The following CMPK2 variants were observed in gnomAD, a reference collection of about 807,000 sequenced individuals.
The protein encoded by CMPK2 is UMP-CMP kinase 2, mitochondrial.
Under a neutral mutation model 33.4 loss-of-function variants are expected in CMPK2, and 32 were observed. The ratio of observed to expected loss-of-function variants is 0.96; its 90% CI spans 0.72 to 1.29. The LOEUF (loss-of-function observed/expected upper bound fraction) is 1.29. CMPK2 is among the 50% of genes most tolerant of loss of function. CMPK2 has a pLI of 0.00. For synonymous variants in CMPK2, 299 were observed against 275.3 expected (o/e 1.09, Z -0.85); for missense variants, 672 against 616.0 (o/e 1.09, Z -0.96).
chr2:6,848,821 A>G lies in CMPK2; in HGVS notation c.*1029T>C, dbSNP rs756400417. The G allele has an allele frequency of 4.4e-4, 436 of 985,762 alleles. No individual in the cohort carries two copies. The highest frequency in any genetic ancestry group is 1.5e-3 in the Middle Eastern group (3 of 1,936). The allele number at this position is 985,762 out of a possible 1,614,324, so 61.1% of individuals were successfully genotyped here. A position where few individuals can be genotyped will look rare whatever the true frequency, so the allele number is the denominator to read the frequency against. ...TTTTTTCTGTCTAAAGATATGTCAA[A>G]GCGATTTCATATGTAATCATGAGAC... is the stretch of plus-strand genomic sequence containing the variant. On this transcript the variant is annotated 3_prime_UTR_variant, in exon 5 of 5. Coordinates refer to ENST00000256722, the MANE Select transcript of CMPK2 (RefSeq NM_207315.4).
At chr2:6,859,933 G>A (rs1204852729) in intron 3 of CMPK2, among the ~76,000 whole-genome samples, 1 of 152,220 alleles carries the variant, frequency 6.6e-6, no homozygotes, top group African/African-American at 2.4e-5. Flanking sequence ...AAGCAGCAAG[G>A]AGGGGGGCTA....
chr2:6,845,271 A>C (rs1004072240), downstream of CMPK2, among the ~76,000 whole-genome samples: 1 of 152,144 alleles, frequency 6.6e-6, no homozygotes, highest in African/African-American at 2.4e-5. Context: ...ACAATAGAAT[A>C]TGAGCCATTT....
At position 6,848,520 on chromosome 2, in the gene CMPK2, T is replaced by C. The variant is rs1662418437; in HGVS notation, c.*1330A>G. On this transcript the variant is annotated 3_prime_UTR_variant, in exon 5 of 5. Transcript: ENST00000256722. ...CTTTCAACTGAAATCAATTACATTT[T>C]AATATACACATATTATATAGAAATT... 3.1e-6 allele frequency: 3 copies of C among 958,866 alleles called. No individual in the cohort carries two copies. The highest frequency in any genetic ancestry group is 1.8e-5 in the African/African-American group (1 of 56,594). 59.4% of individuals were successfully genotyped at this position (958,866 alleles called of 1,614,324 possible).
downstream of CMPK2, among the ~76,000 whole-genome samples, chr2:6,846,873 C>A (rs1007533983): frequency 1.3e-5 from 2 of 152,186 alleles, no homozygotes; most frequent in African/African-American, 4.8e-5. Context: ...TTCTTCCCAG[C>A]CAATGCACCA....
intron 4 of CMPK2, chr2:6,851,094 T>G: frequency 9.1e-7 from 1 of 1,103,130 alleles, no homozygotes; most frequent in Non-Finnish European, 1.1e-6. Flanking sequence ...AAGCATCTAA[T>G]AGGTAGATGT....
downstream of CMPK2, among the ~76,000 whole-genome samples, chr2:6,845,098 G>T (rs1662325499): frequency 6.6e-6 from 1 of 152,144 alleles, no homozygotes; most frequent in South Asian, 2.1e-4. Context: ...CAAAGATTTG[G>T]GTTGTCTCGC....
At chr2:6,844,350 G>T (rs982441400), downstream of CMPK2, among the ~76,000 whole-genome samples, 2 of 152,088 alleles carry the variant, frequency 1.3e-5, no homozygotes, top group African/African-American at 4.8e-5. Flanking sequence ...TTGATATCGG[G>T]GCTGCCTGGG....
chr2:6,857,990 CAG>C (rs1171573094), intron 3 of CMPK2, among the ~76,000 whole-genome samples: 1 of 152,164 alleles, frequency 6.6e-6, no homozygotes, highest in Non-Finnish European at 1.5e-5. Context: ...CCAGTGCACT[CAG>C]AATAAAATCC....
At chr2:6,850,102 G>T in intron 4 of CMPK2, 129 bp from the exon 5 acceptor site, 1 of 647,946 alleles carries the variant, frequency 1.5e-6, no homozygotes, top group Non-Finnish European at 2.6e-6. Context: ...ACTGTAACTA[G>T]CTTTGCCCAC....
At chr2:6,864,937 T>C in intron 1 of CMPK2, 85 bp downstream of exon 1, 1 of 1,342,260 alleles carries the variant, frequency 7.5e-7, no homozygotes, top group East Asian at 3.1e-5. Flanking sequence ...AAGAACCGGC[T>C]CTACAGACCA....
chr2:6,861,598 C>T (rs563703072), intron 2 of CMPK2, among the ~76,000 whole-genome samples: 16 of 152,336 alleles, frequency 1.1e-4, no homozygotes, highest in African/African-American at 3.8e-4. Context: ...GTGATCAAAT[C>T]TGATATTGGG....
At chr2:6,863,064 A>T (rs758217103) in intron 2 of CMPK2, among the ~76,000 whole-genome samples, 1 of 151,908 alleles carries the variant, frequency 6.6e-6, no homozygotes, top group Non-Finnish European at 1.5e-5. Flanking sequence ...TGGACACACC[A>T]CCCTGGTTCA....
intron 3 of CMPK2, among the ~76,000 whole-genome samples, chr2:6,852,458 TG>T (rs1202335190): frequency 4.6e-5 from 7 of 152,176 alleles, no homozygotes; most frequent in Non-Finnish European, 4.4e-5. Context: ...CCTTTTCCTC[TG>T]GTGAGAGTGA....
In CMPK2 at chr2:6,857,674, G is replaced by A. The variant is rs572930199; in HGVS notation, c.992+3510C>T. 8.4e-4 allele frequency among the ~76,000 whole-genome samples: 116 copies of A among 137,366 alleles called. 1 individual carries two copies. The highest frequency in any genetic ancestry group is 2.9e-3 in the African/African-American group (106 of 36,318). The allele number at this position is 137,366 out of a possible 152,430, so 90.1% of individuals were successfully genotyped here. A position where few individuals can be genotyped will look rare whatever the true frequency, so the allele number is the denominator to read the frequency against. ...TTTTTTGAGACGGAGTCTCGCTGTC[G>A]CCCAGGCTGGAGTGCAGTGGCATGA... On this transcript the variant is annotated intron_variant, in intron 3 of 4. Transcript: ENST00000256722.
intron 3 of CMPK2, among the ~76,000 whole-genome samples, chr2:6,853,702 A>G (rs1446246614): frequency 6.6e-6 from 1 of 152,138 alleles, no homozygotes. Flanking sequence ...GGAGATCGAG[A>G]CCATCCTGGC....
intron 3 of CMPK2, among the ~76,000 whole-genome samples, chr2:6,858,182 T>C (rs1299018580): frequency 2.0e-5 from 3 of 152,088 alleles, no homozygotes; most frequent in Admixed American, 6.5e-5. Context: ...CACAGTGCTT[T>C]CTGTTAACCC....
intron 4 of CMPK2, chr2:6,851,152 G>T: frequency 8.2e-7 from 1 of 1,224,124 alleles, no homozygotes; most frequent in African/African-American, 1.6e-5. Context: ...ACTATGACTG[G>T]GGAAACTGAG....
downstream of CMPK2, among the ~76,000 whole-genome samples, chr2:6,846,275 G>A (rs1404338320): frequency 6.6e-6 from 1 of 152,194 alleles, no homozygotes; most frequent in Non-Finnish European, 1.5e-5. Flanking sequence ...ACTGGACAAT[G>A]CTGAGCTATT....
downstream of CMPK2, among the ~76,000 whole-genome samples, chr2:6,846,254 T>A (rs952604140): frequency 6.6e-6 from 1 of 152,230 alleles, no homozygotes; most frequent in East Asian, 1.9e-4. Context: ...ATAAAAGAAC[T>A]GTTTAAATTC....
Sources: gnomAD v4.1 joint callset for allele counts (sites outside exome capture counted in the v4.1 genomes callset) on GRCh38, gnomAD v4.1.1 for gene constraint, MANE v1.5 for transcripts, NCBI Gene and HGNC (gene_info 2026-07-23, HGNC 2026-07-21) for gene names.